The following C3orf22 variants were observed in gnomAD, a reference collection of about 807,000 sequenced individuals.
C3orf22 encodes uncharacterized protein C3orf22.
Under a neutral mutation model 10.8 loss-of-function variants are expected in C3orf22, and 7 were observed. The observed-to-expected ratio is 0.65, with a 90% CI of 0.37 to 1.22. The LOEUF (loss-of-function observed/expected upper bound fraction) is 1.22, where lower values mean the gene tolerates loss of function less well. C3orf22 is among the 50% of genes most tolerant of loss of function. The probability of loss-of-function intolerance (pLI) is 0.02; values close to 1 mark genes in which losing one functional copy is unlikely to be tolerated. For missense variants in C3orf22, 173 were observed against 177.0 expected (o/e 0.98, Z 0.13); for synonymous variants, 79 against 78.9 (o/e 1.00, Z 0.00).
chr3:126,537,980 T>C (rs1425743426), intron 4 of C3orf22, among the ~76,000 whole-genome samples: 4 of 152,156 alleles, frequency 2.6e-5, no homozygotes, highest in Admixed American at 6.5e-5. Flanking sequence ...GAGCTGTAGG[T>C]GCAGCCCCGG....
chr3:126,532,891 C>T (rs1178515402), intron 4 of C3orf22, among the ~76,000 whole-genome samples: 1 of 152,204 alleles, frequency 6.6e-6, no homozygotes, highest in Non-Finnish European at 1.5e-5. Flanking sequence ...GTATTCCAAT[C>T]CACAAACCTG....
chr3:126,556,642 T>TCC (rs1447545727), intron 1 of C3orf22, among the ~76,000 whole-genome samples: 11 of 15,288 alleles, frequency 7.2e-4, no homozygotes, highest in Non-Finnish European at 7.1e-4. Context: ...TGACTGCCGT[T>TCC]CCCACACACA....
At chr3:126,542,414 TTCCCTGGGCCGCCGCG>T (rs1252072380) in intron 4 of C3orf22, 2 of 1,552,000 alleles carry the variant, frequency 1.3e-6, no homozygotes, top group African/African-American at 2.8e-5. Context: ...CGACCTGAGC[TTCCCTGGGCCGCCGCG>T]GCCCCGGGGA....
intron 4 of C3orf22, among the ~76,000 whole-genome samples, chr3:126,544,111 G>A (rs779469529): frequency 2.6e-5 from 4 of 152,174 alleles, no homozygotes; most frequent in South Asian, 2.1e-4. Context: ...CTTCCCTCAC[G>A]GATCAATTAA....
chr3:126,539,773 GCACAC>G (rs1936896686), intron 4 of C3orf22, among the ~76,000 whole-genome samples: 11 of 16,412 alleles, frequency 6.7e-4, no homozygotes, highest in South Asian at 1.9e-3. Flanking sequence ...CACACACACA[GCACAC>G]ACACACCACA....
chr3:126,529,317 C>T, exon 5 of C3orf22: 1 of 1,289,352 alleles, frequency 7.8e-7, no homozygotes, highest in Non-Finnish European at 1.0e-6. Context: ...GCTCTCTCTG[C>T]TCTCCTTCCC....
At chr3:126,547,948 A>C (rs1197855074), downstream of C3orf22, among the ~76,000 whole-genome samples, 1 of 152,224 alleles carries the variant, frequency 6.6e-6, no homozygotes, top group Non-Finnish European at 1.5e-5. Context: ...CATCATCATC[A>C]CATGACTCTT....
chr3:126,552,881 T>A (rs1937229583), intron 2 of C3orf22, among the ~76,000 whole-genome samples: 1 of 152,236 alleles, frequency 6.6e-6, no homozygotes, highest in Non-Finnish European at 1.5e-5. Context: ...CGTGGCTCTG[T>A]CCTTATGTGA....
At chr3:126,538,094 T>A (rs1440602172) in intron 4 of C3orf22, among the ~76,000 whole-genome samples, 1 of 152,148 alleles carries the variant, frequency 6.6e-6, no homozygotes, top group African/African-American at 2.4e-5. Context: ...TTCCCCTGAG[T>A]CTCAGTTTTC....
intron 4 of C3orf22, among the ~76,000 whole-genome samples, chr3:126,537,797 A>G (rs1936829576): frequency 6.6e-6 from 1 of 152,252 alleles, no homozygotes; most frequent in South Asian, 2.1e-4. Context: ...ATCACGTGCC[A>G]GGCCCTTTAG....
At chr3:126,553,512 G>A (rs980027153) in intron 1 of C3orf22, 82 bp from the exon 2 acceptor site, 13 of 876,508 alleles carry the variant, frequency 1.5e-5, no homozygotes, top group Admixed American at 3.9e-5. Flanking sequence ...GCAGGGCTGG[G>A]GGTGCCTGCG....
At chr3:126,544,781 C>T (rs1006649814), downstream of C3orf22, among the ~76,000 whole-genome samples, 7 of 152,226 alleles carry the variant, frequency 4.6e-5, no homozygotes, top group East Asian at 1.3e-3. Flanking sequence ...CTCACAGTCC[C>T]TTGTGTGGGC....
chr3:126,552,540 G>T (rs1937217940), intron 2 of C3orf22, among the ~76,000 whole-genome samples: 1 of 152,218 alleles, frequency 6.6e-6, no homozygotes, highest in South Asian at 2.1e-4. Context: ...ACAGTTTCCT[G>T]GGGCAAGGAC....
intron 4 of C3orf22, among the ~76,000 whole-genome samples, chr3:126,530,384 G>A (rs981287629): frequency 6.6e-6 from 1 of 152,252 alleles, no homozygotes; most frequent in Non-Finnish European, 1.5e-5. Flanking sequence ...TGGCGTTTCC[G>A]GAAGGCTGGG....
chr3:126,538,473 C>T (rs918347666), intron 4 of C3orf22, among the ~76,000 whole-genome samples: 3 of 152,248 alleles, frequency 2.0e-5, no homozygotes, highest in African/African-American at 4.8e-5. Context: ...CCCGAACCCC[C>T]GGACCCAGTG....
intron 4 of C3orf22, chr3:126,529,430 C>A (rs1038328169): frequency 3.4e-5 from 43 of 1,281,232 alleles, no homozygotes; most frequent in Non-Finnish European, 3.9e-5. Flanking sequence ...AGAGGCAGGG[C>A]AGCATGGGTG....
intron 1 of C3orf22, among the ~76,000 whole-genome samples, chr3:126,554,845 G>A (rs1332578521): frequency 6.6e-6 from 1 of 152,146 alleles, no homozygotes; most frequent in East Asian, 1.9e-4. Context: ...GCTGATTCCT[G>A]GTCTGGGGGG....
rs1282628274 is a variant in C3orf22 at position 126,552,023 on chromosome 3, C to T, written c.189G>A (p.Val63=). The change falls in exon 3 of 4, where the codon GTG becomes GTA. Residue 63 remains valine (V), a synonymous_variant. Transcript: ENST00000318225. ...TVQLPLQKRL[V]PTRSIPVRGL... ...CTCGGACTGGGATGGACCTCGTTGG[C>T]ACCAACCTCTTCTGCAGGGGCAGCT... 4 of 1,613,444 alleles carry T rather than the reference C, an allele frequency of 2.5e-6. No individual in the cohort carries two copies. Among genetic ancestry groups the T allele is most frequent in the East Asian group, 4.5e-5 (2 of 44,846 alleles).
intron 2 of C3orf22, among the ~76,000 whole-genome samples, chr3:126,552,355 G>A (rs1324642602): frequency 6.6e-6 from 1 of 152,248 alleles, no homozygotes; most frequent in Admixed American, 6.5e-5. Context: ...GCTGCAGCCT[G>A]CTCCAGAGCC....
Sources: allele counts gnomAD v4.1 joint callset (sites outside exome capture counted in the v4.1 genomes callset), GRCh38; gene constraint gnomAD v4.1.1; transcripts MANE v1.5; gene names NCBI Gene and HGNC (gene_info 2026-07-23, HGNC 2026-07-21).